AATK: variants seen among roughly 807,000 people sequenced by gnomAD.
AATK encodes the protein lemur tail kinase 1.
In AATK, 91 loss-of-function variants were observed where a neutral mutation model predicts 114.3. The ratio of observed to expected loss-of-function variants is 0.80; its 90% CI spans 0.67 to 0.95. The LOEUF (loss-of-function observed/expected upper bound fraction) is 0.95. Among genes scored for constraint, AATK ranks in the 40% least tolerant of loss-of-function variants. The pLI is 0.00. For missense variants in AATK, 2,176 were observed against 1,965.2 expected (o/e 1.11, Z -2.03); for synonymous variants, 1,075 against 916.5 (o/e 1.17, Z -3.12).
In AATK at chr17:81,144,960, C is replaced by G. The variant is rs561709998; in HGVS notation, c.56-10459G>C. On this transcript the variant is annotated intron_variant, in intron 1 of 13. Transcript: ENST00000326724. Reference sequence around the variant, plus strand: ...GAAAAGCCTGACTTCAGGCCGGGCGCGGTGGCTCACGCCTGTAATCCCAAC... The same window carrying G: ...GAAAAGCCTGACTTCAGGCCGGGCGGGGTGGCTCACGCCTGTAATCCCAAC... Among the ~76,000 whole-genome samples, 16 of 152,284 alleles carry G rather than the reference C, an allele frequency of 1.1e-4. No homozygotes were observed. In the South Asian group the frequency reaches 3.1e-3, roughly 30 times the overall value.
intron 1 of AATK, among the ~76,000 whole-genome samples, chr17:81,144,481 C>T (rs2061187464): frequency 6.6e-6 from 1 of 152,178 alleles, no homozygotes; most frequent in South Asian, 2.1e-4. Flanking sequence ...CCTGGAGGCA[C>T]CCCCAGGCGG....
intron 1 of AATK, among the ~76,000 whole-genome samples, chr17:81,160,930 G>A (rs1216937167): frequency 3.9e-5 from 6 of 152,208 alleles, no homozygotes; most frequent in African/African-American, 7.2e-5. Flanking sequence ...GTGGACCGAG[G>A]AGGAGGCAGA....
chr17:81,154,819 G>A (rs1166879409), intron 1 of AATK, among the ~76,000 whole-genome samples: 2 of 141,458 alleles, frequency 1.4e-5, no homozygotes, highest in East Asian at 2.1e-4. Flanking sequence ...TAGTAGAGAC[G>A]GGGTTTCAAC....
intron 1 of AATK, among the ~76,000 whole-genome samples, chr17:81,150,326 G>A (rs12953216): frequency 0.12 from 17,481 of 151,092 alleles, 1,124 homozygotes; most frequent in Non-Finnish European, 0.15. Flanking sequence ...GCTGGGTGGG[G>A]ACAGGCGCCC....
chr17:81,160,181 C>A (rs1229012759), intron 1 of AATK: 1 of 864,108 alleles, frequency 1.2e-6, no homozygotes, highest in Non-Finnish European at 1.4e-6. Flanking sequence ...ACGGCCCCCA[C>A]CCCCAGGCTG....
At chr17:81,138,664 T>C (rs1169466462) in intron 1 of AATK, among the ~76,000 whole-genome samples, 1 of 130,038 alleles carries the variant, frequency 7.7e-6, no homozygotes, top group Non-Finnish European at 1.6e-5. Context: ...CACACACATA[T>C]CCATACATGC....
chr17:81,152,889 A>G (rs1425939935), intron 1 of AATK, among the ~76,000 whole-genome samples: 3 of 148,782 alleles, frequency 2.0e-5, no homozygotes, highest in Non-Finnish European at 3.0e-5. Flanking sequence ...GTCACCCAGG[A>G]TGGAATGCAA....
chr17:81,124,250 C>T (rs1483360727), intron 9 of AATK, among the ~76,000 whole-genome samples: 1 of 133,258 alleles, frequency 7.5e-6, no homozygotes, highest in Non-Finnish European at 1.7e-5. Flanking sequence ...CGGCTCGGCC[C>T]TGCCCCTTCC....
intron 1 of AATK, among the ~76,000 whole-genome samples, chr17:81,157,699 G>A (rs996739881): frequency 1.3e-5 from 2 of 152,144 alleles, no homozygotes; most frequent in African/African-American, 4.8e-5. Flanking sequence ...GATGCCCCAG[G>A]GCCTACCCCA....
In AATK at chr17:81,121,422, G is replaced by A; in HGVS notation, c.2514C>T (p.Ile838=). ...TGCCATTCAGGGCAGAAGCCAGCTT[G>A]ATGGCAGACACCTCGCCACCAGTAG... ...TPATGGEVSA[I]KLASALNGSS... The change falls in exon 11 of 14, where the codon ATC becomes ATT. Residue 838 remains isoleucine (I), a synonymous_variant. Coordinates refer to ENST00000326724, the MANE Select transcript of AATK (RefSeq NM_001080395.3). The A allele has an allele frequency of 6.2e-7, 1 of 1,605,838 alleles. No homozygotes were observed. The highest frequency in any genetic ancestry group is 8.5e-7 in the Non-Finnish European group (1 of 1,176,560).
At chr17:81,152,105 T>C (rs1056909486) in intron 1 of AATK, among the ~76,000 whole-genome samples, 4 of 151,930 alleles carry the variant, frequency 2.6e-5, no homozygotes, top group African/African-American at 4.8e-5. Context: ...TGAAACCCCA[T>C]CTCTACTAAA....
rs1421595319 is a variant in AATK, at chr17:81,131,526, G to A, written c.190-321C>T. On this transcript the variant is annotated intron_variant, in intron 2 of 13. Coordinates refer to ENST00000326724, the MANE Select transcript of AATK (RefSeq NM_001080395.3). ...GGCGCGATGAGCTGTAGGCACCAGC[G>A]CCTCAGCCTGGCCTCAGTTCCCCCA... 5.3e-5 allele frequency among the ~76,000 whole-genome samples: 8 copies of A among 152,178 alleles called. No homozygotes were observed. The South Asian group carries it at 6.2e-4, about 12-fold the overall frequency.
chr17:81,156,662 G>T lies in AATK; in HGVS notation c.55+9276C>A, dbSNP rs551002731. Among the ~76,000 whole-genome samples the T allele has an allele frequency of 3.3e-3, 501 of 152,368 alleles. 5 individuals carry two copies. Among genetic ancestry groups the T allele is most frequent in the African/African-American group, 0.012 (483 of 41,584 alleles). On this transcript the variant is annotated intron_variant, in intron 1 of 13. Coordinates refer to ENST00000326724, the MANE Select transcript of AATK (RefSeq NM_001080395.3). ...TCCGCCTGCCTTGGCCTCCCAAAGT[G>T]CTGGGATTACAGGTGTGAGCCACCG...
chr17:81,140,670 G>GGGGCCGT (rs2061110622), intron 1 of AATK, among the ~76,000 whole-genome samples: 1 of 135,002 alleles, frequency 7.4e-6, no homozygotes, highest in Admixed American at 7.2e-5. Flanking sequence ...GTGGGGCCGT[G>GGGGCCGT]GGGACCATGG....
chr17:81,160,231 C>T (rs961471236), intron 1 of AATK: 6 of 984,566 alleles, frequency 6.1e-6, no homozygotes, highest in Middle Eastern at 5.2e-4. Flanking sequence ...GAAACCCCCA[C>T]GTACCAGGCT....
chr17:81,118,329 G>T lies in AATK; in HGVS notation c.*73C>A. 2 of 1,490,000 alleles carry T rather than the reference G, an allele frequency of 1.3e-6. No individual in the cohort carries two copies. The highest frequency in any genetic ancestry group is 1.2e-5 in the South Asian group (1 of 81,748). The allele number at this position is 1,490,000 out of a possible 1,614,324, so 92.3% of individuals were successfully genotyped here. ...ACCAGGACGTGGTCCCCACCTTCTC[G>T]GTCACCATCCTCGCTGCTGCCTGGC... is the stretch of plus-strand genomic sequence containing the variant. On this transcript the variant is annotated 3_prime_UTR_variant, in exon 14 of 14. Coordinates refer to ENST00000326724, the MANE Select transcript of AATK (RefSeq NM_001080395.3).
In AATK at chr17:81,122,291, C is replaced by T. The variant is rs1158463584; in HGVS notation, c.1645G>A (p.Gly549Ser). 6 of 1,502,958 alleles carry T rather than the reference C, an allele frequency of 4.0e-6. No individual in the cohort carries two copies. In the Admixed American group the frequency reaches 6.8e-5, roughly 17 times the overall value. The allele number at this position is 1,502,958 out of a possible 1,614,324, so 93.1% of individuals were successfully genotyped here. The change falls in exon 11 of 14, where the codon GGC becomes AGC. Residue 549 changes from glycine (G) to serine (S), a missense_variant. By Grantham distance (56) the Gly-to-Ser change is moderately conservative (BLOSUM62 0). Transcript: ENST00000326724. Reference protein sequence around the residue: ...PAAGHDPDCAGCAPSPPATAD... With the variant: ...PAAGHDPDCASCAPSPPATAD... ...GTGGCAGGTGGACTGGGGGCGCAGCCGGCGCAGTCAGGGTCGTGGCCGGCG... is the reference window on the plus strand; with the variant it reads ...GTGGCAGGTGGACTGGGGGCGCAGCTGGCGCAGTCAGGGTCGTGGCCGGCG...
chr17:81,127,907 A>G lies in AATK; in HGVS notation c.418T>C (p.Phe140Leu). 1 of 1,548,698 alleles carries G rather than the reference A, an allele frequency of 6.5e-7. No individual in the cohort carries two copies. The highest frequency in any genetic ancestry group is 1.4e-5 in the African/African-American group (1 of 73,022). ...ATGCCAGAGTTCACCTCCCCCAGGA[A>G]CACCTGTGGGACAGACAGCATCACC... ...EIGRGWFGKV[F>L]LGEVNSGISS... Residue 140 changes from phenylalanine to leucine, a missense_variant, in exon 5 of 14, where the codon TTC (phenylalanine) becomes CTC (leucine). Physicochemically the swap from Phe to Leu is conservative, Grantham distance 22 (BLOSUM62 0). Coordinates refer to ENST00000326724, the MANE Select transcript of AATK (RefSeq NM_001080395.3).
At position 81,120,569 on chromosome 17, in the gene AATK, G is replaced by A; in HGVS notation, c.3367C>T (p.Leu1123=). 2 of 1,527,050 alleles carry A rather than the reference G, an allele frequency of 1.3e-6. No individual in the cohort carries two copies. Among genetic ancestry groups the A allele is most frequent in the Middle Eastern group, 1.7e-4 (1 of 5,788 alleles). The allele number at this position is 1,527,050 out of a possible 1,614,324, so 94.6% of individuals were successfully genotyped here. The change falls in exon 11 of 14, where the codon CTG becomes TTG. Residue 1123 remains leucine, a synonymous_variant. Coordinates refer to ENST00000326724, the MANE Select transcript of AATK (RefSeq NM_001080395.3). ...TTTTGTGGGGCCGGCCCTGACAACAGTCCTGGGGGCCCCTGGAACTCAGAG... is the reference window on the plus strand; with the variant it reads ...TTTTGTGGGGCCGGCCCTGACAACAATCCTGGGGGCCCCTGGAACTCAGAG... ...NSSEFQGPPG[L]LSGPAPQKRM...
Sources: allele counts gnomAD v4.1 joint callset (sites outside exome capture counted in the v4.1 genomes callset), GRCh38; gene constraint gnomAD v4.1.1; transcripts MANE v1.5; gene names NCBI Gene and HGNC (gene_info 2026-07-23, HGNC 2026-07-21).